Variants in COQ10B observed in about 807,000 individuals in gnomAD.
COQ10B encodes coenzyme Q-binding protein COQ10 homolog B, mitochondrial.
A neutral mutation model predicts 27.6 loss-of-function variants in COQ10B; 12 were observed. The observed-to-expected ratio is 0.43, with a 90% CI of 0.28 to 0.70. The LOEUF is 0.70. Among genes scored for constraint, COQ10B ranks in the 30% least tolerant of loss-of-function variants. The probability of loss-of-function intolerance (pLI) is 0.17; values close to 1 mark genes in which losing one functional copy is unlikely to be tolerated. For missense variants in COQ10B, 278 were observed against 288.7 expected (o/e 0.96, Z 0.27); for synonymous variants, 115 against 103.0 (o/e 1.12, Z -0.71).
chr2:197,465,208 A>G (rs1307840756), intron 3 of COQ10B, among the ~76,000 whole-genome samples: 3 of 151,374 alleles, frequency 2.0e-5, no homozygotes, highest in East Asian at 3.9e-4. Flanking sequence ...TAGTATATAT[A>G]TTATGCTGCT....
At chr2:197,453,944 T>C (rs2085666415) in intron 1 of COQ10B, 1 of 1,549,344 alleles carries the variant, frequency 6.5e-7, no homozygotes, top group Non-Finnish European at 8.7e-7. Context: ...GCCTTTGGGC[T>C]CTTCCGGTCT....
At chr2:197,457,845 C>T (rs1490946524) in intron 1 of COQ10B, among the ~76,000 whole-genome samples, 1 of 152,140 alleles carries the variant, frequency 6.6e-6, no homozygotes, top group East Asian at 1.9e-4. Context: ...TGGTCTTGAA[C>T]TCCTGACCTC....
chr2:197,457,664 C>T (rs1430451099), intron 1 of COQ10B, among the ~76,000 whole-genome samples: 4 of 151,668 alleles, frequency 2.6e-5, no homozygotes, highest in Non-Finnish European at 5.9e-5. Context: ...CTCTGTTGCC[C>T]AGGCTGGAGT....
chr2:197,473,395 C>A (rs1270397206), intron 4 of COQ10B, among the ~76,000 whole-genome samples: 1 of 119,458 alleles, frequency 8.4e-6, no homozygotes, highest in Non-Finnish European at 1.7e-5. Context: ...CTCTACGCCC[C>A]CCCCCACAAA....
intron 3 of COQ10B, among the ~76,000 whole-genome samples, chr2:197,467,824 A>T (rs2085841073): frequency 6.6e-6 from 1 of 152,240 alleles, no homozygotes; most frequent in Admixed American, 6.5e-5. Flanking sequence ...GTCACTTAAT[A>T]TGTCAGTAAT....
chr2:197,463,980 TATATATATATATATATAC>T lies in COQ10B; in HGVS notation c.447+1251_447+1268del, dbSNP rs1559293143. Among the ~76,000 whole-genome samples the T allele has an allele frequency of 7.5e-5, 6 of 80,164 alleles. No homozygotes were observed. In the South Asian group the frequency reaches 1.8e-3, roughly 24 times the overall value. 52.6% of individuals were successfully genotyped at this position (80,164 alleles called of 152,430 possible). On this transcript the variant is annotated intron_variant, in intron 3 of 4. Coordinates refer to ENST00000263960, the MANE Select transcript of COQ10B (RefSeq NM_025147.5). ...AAAAAAAAAAATATATATATATATATATATATATATATATATACACACACACACACACACACACACACA... is the reference window on the plus strand; with the variant it reads ...AAAAAAAAAAATATATATATATATATACACACACACACACACACACACACA...
At chr2:197,462,756 T>G in intron 3 of COQ10B, 25 bp downstream of exon 3, 1 of 1,357,322 alleles carries the variant, frequency 7.4e-7, no homozygotes, top group Non-Finnish European at 1.0e-6. Flanking sequence ...TTTTGTTGTT[T>G]TTAAATATTC....
At position 197,462,162 on chromosome 2, in the gene COQ10B, G is replaced by A. The variant is rs561382698; in HGVS notation, c.255-377G>A. ...CACGTGCCTGGAGTCCCAGCTACTCGGGAGACTGAGGCAGGAGAATCGCTT... is the reference window on the plus strand; with the variant it reads ...CACGTGCCTGGAGTCCCAGCTACTCAGGAGACTGAGGCAGGAGAATCGCTT... On this transcript the variant is annotated intron_variant, in intron 2 of 4. Transcript: ENST00000263960. Among the ~76,000 whole-genome samples, 20 of 151,628 alleles carry A rather than the reference G, an allele frequency of 1.3e-4. No individual in the cohort carries two copies. The South Asian group carries it at 1.5e-3, about 11-fold the overall frequency.
intron 3 of COQ10B, among the ~76,000 whole-genome samples, chr2:197,468,664 A>G (rs1287007012): frequency 2.0e-5 from 3 of 152,166 alleles, no homozygotes; most frequent in Admixed American, 2.0e-4. Flanking sequence ...GGAATGCTCT[A>G]GATTATTTGT....
chr2:197,458,180 G>A (rs1406789627), intron 1 of COQ10B, among the ~76,000 whole-genome samples: 2 of 150,602 alleles, frequency 1.3e-5, no homozygotes, highest in Admixed American at 6.6e-5. Context: ...GCAGTGGTGC[G>A]ATCCACTCCA....
At chr2:197,460,495 C>T (rs2085745204) in intron 2 of COQ10B, among the ~76,000 whole-genome samples, 1 of 152,140 alleles carries the variant, frequency 6.6e-6, no homozygotes, top group African/African-American at 2.4e-5. Context: ...CTGACCTAGC[C>T]ATTGCTATTT....
At position 197,469,951 on chromosome 2, in the gene COQ10B, G is replaced by T. The variant is rs2085861986; in HGVS notation, c.448-119G>T. 6.6e-6 allele frequency: 4 copies of T among 609,880 alleles called. No individual in the cohort carries two copies. In the East Asian group the frequency reaches 1.2e-4, roughly 18 times the overall value. 37.8% of individuals were successfully genotyped at this position (609,880 alleles called of 1,614,324 possible). ...AAATTAGATATCTTTATCTCCTATG[G>T]TCTGACCTATAAAAATTATTACTTA... On this transcript the variant is annotated intron_variant, in intron 3 of 4. Coordinates refer to ENST00000263960, the MANE Select transcript of COQ10B (RefSeq NM_025147.5).
At chr2:197,461,667 T>TG (rs1250046399) in intron 2 of COQ10B, among the ~76,000 whole-genome samples, 3 of 131,880 alleles carry the variant, frequency 2.3e-5, no homozygotes, top group Non-Finnish European at 3.2e-5. Flanking sequence ...GAGAGAGAGG[T>TG]GTACAGGGTC....
intron 3 of COQ10B, among the ~76,000 whole-genome samples, chr2:197,462,946 C>T (rs575010221): frequency 2.0e-5 from 3 of 152,000 alleles, no homozygotes; most frequent in Admixed American, 2.0e-4. Flanking sequence ...AAACTTTTCC[C>T]TTTTTTTTCC....
chr2:197,457,785 C>G (rs1199625798), intron 1 of COQ10B, among the ~76,000 whole-genome samples: 1 of 152,056 alleles, frequency 6.6e-6, no homozygotes, highest in Admixed American at 6.6e-5. Flanking sequence ...CCACACCCGG[C>G]TAATTTTTGT....
At chr2:197,463,518 C>CTGAGATGG (rs749299585) in intron 3 of COQ10B, among the ~76,000 whole-genome samples, 26 of 150,406 alleles carry the variant, frequency 1.7e-4, no homozygotes, top group Non-Finnish European at 3.3e-4. Context: ...TGTCAGGCAG[C>CTGAGATGG]TGAGATGGGA....
At position 197,459,977 on chromosome 2, in the gene COQ10B, A is replaced by G. The variant is rs757658883; in HGVS notation, c.150A>G (p.Leu50=). 17 of 1,612,182 alleles carry G rather than the reference A, an allele frequency of 1.1e-5. No homozygotes were observed. The highest frequency in any genetic ancestry group is 1.4e-5 in the Non-Finnish European group (17 of 1,178,634). Reference sequence around the variant, plus strand: ...TACTGATGAGCAGAACTCTTCCACTACATACCTCAATTTTGCCTAAGGAGA... The same window carrying G: ...TACTGATGAGCAGAACTCTTCCACTGCATACCTCAATTTTGCCTAAGGAGA... ...CGILMSRTLP[L]HTSILPKEIC... Residue 50 remains leucine, a synonymous_variant, in exon 2 of 5, where the codon CTA becomes CTG. Coordinates refer to ENST00000263960, the MANE Select transcript of COQ10B (RefSeq NM_025147.5).
intron 4 of COQ10B, among the ~76,000 whole-genome samples, chr2:197,473,434 A>ACACACACACATATATATATATATG (rs2085902987): frequency 9.2e-6 from 1 of 109,212 alleles, no homozygotes; most frequent in African/African-American, 3.2e-5. Context: ...ATATATATAT[A>ACACACACACATATATATATATATG]TATATATACA....
chr2:197,470,897 A>G (rs1196980766), intron 4 of COQ10B, among the ~76,000 whole-genome samples: 1 of 152,134 alleles, frequency 6.6e-6, no homozygotes, highest in East Asian at 1.9e-4. Flanking sequence ...CTGTCTCAAA[A>G]CAAATAAAAA....
Sources: gnomAD v4.1 joint callset for allele counts (sites outside exome capture counted in the v4.1 genomes callset) on GRCh38, gnomAD v4.1.1 for gene constraint, MANE v1.5 for transcripts, NCBI Gene and HGNC (gene_info 2026-07-23, HGNC 2026-07-21) for gene names.